Variants in OVCH1 observed in about 807,000 individuals in gnomAD.
OVCH1 encodes the protein ovochymase-1.
Under a neutral mutation model 138.4 loss-of-function variants are expected in OVCH1, and 139 were observed. The ratio of observed to expected loss-of-function variants is 1.00; its 90% CI spans 0.87 to 1.16. The LOEUF is 1.16. OVCH1 is among the 50% of genes most tolerant of loss of function. The pLI is 0.00. For synonymous variants in OVCH1, 453 were observed against 467.8 expected (o/e 0.97, Z 0.41); for missense variants, 1,367 against 1,357.9 (o/e 1.01, Z -0.11).
At chr12:29,478,207 T>C (rs971093814) in intron 9 of OVCH1, among the ~76,000 whole-genome samples, 1 of 152,156 alleles carries the variant, frequency 6.6e-6, no homozygotes, top group African/African-American at 2.4e-5. Context: ...ATAAAATAAA[T>C]TGAATGACAT....
chr12:29,463,482 G>A (rs1942208121), intron 18 of OVCH1, among the ~76,000 whole-genome samples: 1 of 152,066 alleles, frequency 6.6e-6, no homozygotes, highest in Non-Finnish European at 1.5e-5. Flanking sequence ...AAAAATAGAG[G>A]GAAATTATGT....
In OVCH1 at chr12:29,431,678, G is replaced by A. The variant is rs1941271714; in HGVS notation, c.3327+2073C>T. ...GACATATCATAATTTCTCATAGCGTGTTTTATCTGCAATCTTAAGAACACA... is the reference window on the plus strand; with the variant it reads ...GACATATCATAATTTCTCATAGCGTATTTTATCTGCAATCTTAAGAACACA... On this transcript the variant is annotated intron_variant, in intron 27 of 27. Coordinates refer to ENST00000318184, the Ensembl canonical transcript of OVCH1. 2.0e-5 allele frequency among the ~76,000 whole-genome samples: 3 copies of A among 152,046 alleles called. No homozygotes were observed. The South Asian group carries it at 6.2e-4, about 31-fold the overall frequency.
chr12:29,464,335 T>C, intron 18 of OVCH1, 172 bp downstream of exon 18: 1 of 798,868 alleles, frequency 1.3e-6, no homozygotes, highest in African/African-American at 1.7e-5. Flanking sequence ...AGGAAAAGTT[T>C]TAAATAGCTC....
intron 16 of OVCH1, among the ~76,000 whole-genome samples, chr12:29,471,409 G>A (rs1284929331): frequency 6.6e-6 from 1 of 152,078 alleles, no homozygotes. Flanking sequence ...TGTGTGGTAA[G>A]GCGTCTGGAA....
intron 16 of OVCH1, among the ~76,000 whole-genome samples, chr12:29,470,816 C>A (rs903765856): frequency 6.6e-6 from 1 of 152,170 alleles, no homozygotes; most frequent in African/African-American, 2.4e-5. Context: ...AATGGTTGAA[C>A]TAATTTACAT....
chr12:29,402,505 G>A, the OVCH1 span, among the ~76,000 whole-genome samples: 7 of 152,076 alleles, frequency 4.6e-5, no homozygotes, highest in East Asian at 1.4e-3. Context: ...AAAAGAGAAA[G>A]ACAGAAAAGG....
chr12:29,411,530 T>C (rs11050222), downstream of OVCH1, among the ~76,000 whole-genome samples: 85,074 of 151,218 alleles, frequency 0.56, 26,026 homozygotes, highest in Middle Eastern at 0.77. Flanking sequence ...CAGACAGGAC[T>C]CTCAGCTGCA....
At chr12:29,425,931 T>G (rs1018768687), downstream of OVCH1, 1 of 152,198 alleles carries the variant, frequency 6.6e-6, no homozygotes, top group East Asian at 1.9e-4. Context: ...TCCTGCTCAT[T>G]ATGCTCTTTG....
chr12:29,493,824 G>A (rs1275995099), intron 4 of OVCH1, among the ~76,000 whole-genome samples: 2 of 151,892 alleles, frequency 1.3e-5, no homozygotes, highest in East Asian at 3.8e-4. Context: ...GATTCTGATT[G>A]TTAATTCTTC....
intron 25 of OVCH1, among the ~76,000 whole-genome samples, chr12:29,442,383 A>C (rs1374355555): frequency 2.9e-5 from 4 of 139,400 alleles, no homozygotes; most frequent in Admixed American, 2.2e-4. Context: ...CAAAAAACCA[A>C]ACACCGCATA....
chr12:29,473,060 A>T, exon 15 of OVCH1: 4 of 1,611,324 alleles, frequency 2.5e-6, no homozygotes, highest in Non-Finnish European at 3.4e-6. Context: ...TAGATACAGG[A>T]TTGTTTTGGG....
At chr12:29,418,649 G>C (rs1025555636) in intron 3 of OVCH1, among the ~76,000 whole-genome samples, 1 of 152,156 alleles carries the variant, frequency 6.6e-6, no homozygotes, top group Non-Finnish European at 1.5e-5. Flanking sequence ...AGATCATCAT[G>C]AGGACAAAAC....
chr12:29,416,797 C>T (rs1446624830), intron 3 of OVCH1, among the ~76,000 whole-genome samples: 2 of 152,148 alleles, frequency 1.3e-5, no homozygotes, highest in Non-Finnish European at 2.9e-5. Flanking sequence ...AAATTACACT[C>T]TTGGACATTT....
chr12:29,429,396 A>T (rs12315111), intron 27 of OVCH1, among the ~76,000 whole-genome samples: 6,593 of 152,262 alleles, frequency 0.043, 448 homozygotes, highest in African/African-American at 0.14. Flanking sequence ...CAATAATGCT[A>T]TAGGATTCTA....
intron 16 of OVCH1, among the ~76,000 whole-genome samples, chr12:29,471,600 G>A (rs569620520): frequency 3.3e-5 from 5 of 152,270 alleles, no homozygotes; most frequent in South Asian, 2.1e-4. Context: ...CTATTTAAAC[G>A]GGATAAGCAG....
chr12:29,467,726 G>A (rs1942368641), intron 16 of OVCH1, among the ~76,000 whole-genome samples: 1 of 152,170 alleles, frequency 6.6e-6, no homozygotes, highest in South Asian at 2.1e-4. Context: ...ACAAAATCCT[G>A]TGTGGAATTA....
chr12:29,468,074 A>G (rs1942379252), intron 16 of OVCH1, among the ~76,000 whole-genome samples: 1 of 152,052 alleles, frequency 6.6e-6, no homozygotes, highest in Non-Finnish European at 1.5e-5. Context: ...CCATACCACT[A>G]TAATTATAAG....
At chr12:29,444,040 GA>G in intron 24 of OVCH1, 104 bp downstream of exon 24, 6 of 1,312,976 alleles carry the variant, frequency 4.6e-6, no homozygotes, top group East Asian at 2.5e-5. Context: ...ATTCTTTTTG[GA>G]AAAAAGGTGA....
intron 3 of OVCH1, among the ~76,000 whole-genome samples, chr12:29,419,326 C>T (rs1941071988): frequency 6.6e-6 from 1 of 150,800 alleles, no homozygotes; most frequent in African/African-American, 2.4e-5. Flanking sequence ...CTCATTCTGT[C>T]ACCCAGGCTG....
Sources: allele counts gnomAD v4.1 joint callset (sites outside exome capture counted in the v4.1 genomes callset), GRCh38; gene constraint gnomAD v4.1.1; transcripts MANE v1.5; gene names NCBI Gene and HGNC (gene_info 2026-07-23, HGNC 2026-07-21).